Variants in ZNF37A observed in about 807,000 individuals in gnomAD.
ZNF37A encodes the protein zinc finger protein 37a (KOX 21).
Under a neutral mutation model 12.3 loss-of-function variants are expected in ZNF37A, and 10 were observed. The observed-to-expected ratio is 0.82, with a 90% CI of 0.50 to 1.38. The LOEUF (loss-of-function observed/expected upper bound fraction) is 1.38. Ranked by LOEUF, ZNF37A falls within the 40% of genes most tolerant of loss-of-function variation. The pLI is 0.00. For missense variants in ZNF37A, 580 were observed against 651.2 expected, an observed-to-expected ratio of 0.89 and a Z score of 1.19; for synonymous variants, 207 against 223.0, an observed-to-expected ratio of 0.93 and a Z score of 0.64.
intron 5 of ZNF37A, among the ~76,000 whole-genome samples, chr10:38,107,311 T>C (rs989183231): frequency 1.3e-5 from 2 of 152,056 alleles, no homozygotes; most frequent in African/African-American, 4.8e-5. Flanking sequence ...TGCTGAGAGA[T>C]TTTTGTCACC....
At chr10:38,108,160 ACAGTG>A (rs1470372003) in intron 5 of ZNF37A, among the ~76,000 whole-genome samples, 16 of 152,348 alleles carry the variant, frequency 1.1e-4, no homozygotes, top group African/African-American at 3.6e-4. Context: ...CTCTCGGGCC[ACAGTG>A]CAATCAAATT....
At chr10:38,106,770 A>T (rs2068132591) in intron 5 of ZNF37A, among the ~76,000 whole-genome samples, 1 of 152,128 alleles carries the variant, frequency 6.6e-6, no homozygotes, top group Non-Finnish European at 1.5e-5. Context: ...TTGAAGATCA[A>T]ATTAATGAAA....
rs1487037777 is a variant in ZNF37A at position 38,122,788 on chromosome 10, T to A, written c.*3951T>A. On this transcript the variant is annotated 3_prime_UTR_variant, in exon 8 of 8. Transcript: ENST00000685332. Reference sequence around the variant, plus strand: ...GGGCAAAGATTTCTTGTGTAATACCTGACAAACAGGCAACCAAAGCAAAAG... The same window carrying A: ...GGGCAAAGATTTCTTGTGTAATACCAGACAAACAGGCAACCAAAGCAAAAG... 2 of 152,184 alleles carry A rather than the reference T, an allele frequency of 1.3e-5. No individual in the cohort carries two copies. The highest frequency in any genetic ancestry group is 2.9e-5 in the Non-Finnish European group (2 of 68,032). 9.4% of individuals were successfully genotyped at this position (152,184 alleles called of 1,614,324 possible). A position where few individuals can be genotyped will look rare whatever the true frequency, so the allele number is the denominator to read the frequency against.
At chr10:38,136,687 T>A (rs1174122702) in intron 7 of ZNF37A, among the ~76,000 whole-genome samples, 1 of 152,226 alleles carries the variant, frequency 6.6e-6, no homozygotes, top group Admixed American at 6.5e-5. Flanking sequence ...GATTCATCTT[T>A]TTGCATAAAA....
At chr10:38,099,375 C>G (rs1452921544) in intron 5 of ZNF37A, among the ~76,000 whole-genome samples, 2 of 152,170 alleles carry the variant, frequency 1.3e-5, no homozygotes, top group African/African-American at 4.8e-5. Context: ...TGAAATCATA[C>G]AGTATTTGTC....
chr10:38,108,615 G>C (rs1447137415), intron 5 of ZNF37A, among the ~76,000 whole-genome samples: 1 of 151,834 alleles, frequency 6.6e-6, no homozygotes, highest in Non-Finnish European at 1.5e-5. Flanking sequence ...AAAGAGAGAA[G>C]AATAAAATAG....
chr10:38,132,207 TCA>T (rs1353287973), intron 7 of ZNF37A, among the ~76,000 whole-genome samples: 3 of 152,152 alleles, frequency 2.0e-5, no homozygotes, highest in Non-Finnish European at 4.4e-5. Context: ...TTTTAGTTTT[TCA>T]CCACTGATTA....
exon 8 of ZNF37A, chr10:38,149,901 A>G (rs1451510727): frequency 6.6e-6 from 1 of 152,110 alleles, no homozygotes; most frequent in African/African-American, 2.4e-5. Context: ...TTAGTGAACT[A>G]TTTGCTCTTC....
intron 7 of ZNF37A, among the ~76,000 whole-genome samples, chr10:38,116,748 A>G (rs530462524): frequency 6.6e-6 from 1 of 152,316 alleles, no homozygotes; most frequent in Non-Finnish European, 1.5e-5. Flanking sequence ...TGTGGCAAGG[A>G]TGGCTTGTTC....
At chr10:38,125,335 A>G (rs1297033509), downstream of ZNF37A, 2 of 152,202 alleles carry the variant, frequency 1.3e-5, no homozygotes, top group African/African-American at 4.8e-5. Flanking sequence ...AAAAATCCTA[A>G]TAAGAAAATT....
intron 5 of ZNF37A, among the ~76,000 whole-genome samples, chr10:38,108,329 C>A (rs1323789973): frequency 6.6e-6 from 1 of 152,188 alleles, no homozygotes; most frequent in Non-Finnish European, 1.5e-5. Context: ...ATACCAGAAT[C>A]TCTGGGACAC....
chr10:38,111,984 C>T (rs1030270992), intron 5 of ZNF37A, among the ~76,000 whole-genome samples: 3 of 151,634 alleles, frequency 2.0e-5, no homozygotes, highest in African/African-American at 4.8e-5. Flanking sequence ...GATCTCGGCC[C>T]ACTGCAAGCT....
downstream of ZNF37A, among the ~76,000 whole-genome samples, chr10:38,126,966 A>G (rs2069937116): frequency 6.6e-6 from 1 of 152,354 alleles, no homozygotes; most frequent in African/African-American, 2.4e-5. Context: ...TCAACTGAGG[A>G]TTTAAAAACT....
At chr10:38,102,411 C>T (rs1240304805) in intron 5 of ZNF37A, among the ~76,000 whole-genome samples, 1 of 152,014 alleles carries the variant, frequency 6.6e-6, no homozygotes, top group African/African-American at 2.4e-5. Flanking sequence ...GCATTAATAC[C>T]AACTAAGCCT....
chr10:38,118,207 G>T lies in ZNF37A; in HGVS notation c.1056G>T (p.Glu352Asp), dbSNP rs757604180. Residue 352 changes from glutamate (E) to aspartate (D), a missense_variant, in exon 8 of 8, where the codon GAG (glutamate) becomes GAT (aspartate). Transcript: ENST00000685332. The stretch of plus-strand genomic sequence containing the variant: ...AACATCAAAGAACGCACACAGGGGA[G>T]AAACCATATGAATGTCATGAATGTG... ...LTQHQRTHTG[E>D]KPYECHECGK... 128 of 1,613,598 alleles carry T rather than the reference G, an allele frequency of 7.9e-5. No individual in the cohort carries two copies. Among genetic ancestry groups the T allele is most frequent in the Non-Finnish European group, 1.1e-4 (126 of 1,179,898 alleles).
chr10:38,139,755 A>AAGTGTCTC (rs1286680472), intron 7 of ZNF37A: 1 of 152,202 alleles, frequency 6.6e-6, no homozygotes, highest in Non-Finnish European at 1.5e-5. Context: ...CAAGCCTCTG[A>AAGTGTCTC]AAATATTGAT....
In ZNF37A at chr10:38,149,875, G is replaced by A. The variant is rs142219826; in HGVS notation, c.*3055G>A. The A allele has an allele frequency of 4.3e-3, 659 of 152,178 alleles. 6 individuals are homozygous for A. The South Asian group carries it at 0.047, about 11-fold the overall frequency. The allele number at this position is 152,178 out of a possible 1,614,324, so 9.4% of individuals were successfully genotyped here. A position where few individuals can be genotyped will look rare whatever the true frequency, so the allele number is the denominator to read the frequency against. ...CAGGCGTGAGCCACCGCACATGCCC[G>A]GTTTTGCTAATTTCTTTAGTGAACT... On this transcript the variant is annotated 3_prime_UTR_variant, in exon 8 of 8. Coordinates refer to the ZNF37A transcript ENST00000638053.
intron 7 of ZNF37A, chr10:38,137,588 G>T (rs1419814298): frequency 4.6e-5 from 7 of 152,238 alleles, no homozygotes; most frequent in Non-Finnish European, 2.9e-5. Context: ...GTGTTTGGAA[G>T]GCCAGGTCTT....
chr10:38,113,651 C>T (rs1315855298), intron 5 of ZNF37A, among the ~76,000 whole-genome samples: 3 of 152,186 alleles, frequency 2.0e-5, no homozygotes, highest in African/African-American at 7.2e-5. Context: ...AGTAGCCCTT[C>T]CTCTCTTCCT....
Sources: gnomAD v4.1 joint callset for allele counts (sites outside exome capture counted in the v4.1 genomes callset) on GRCh38, gnomAD v4.1.1 for gene constraint, MANE v1.5 for transcripts, NCBI Gene and HGNC (gene_info 2026-07-23, HGNC 2026-07-21) for gene names.